OR51B5: variants seen among roughly 807,000 people sequenced by gnomAD.
OR51B5 encodes the protein olfactory receptor family 51 subfamily B member 5, also known as olfactory receptor 51B5.
For synonymous variants in OR51B5, 186 were observed against 144.8 expected, an observed-to-expected ratio of 1.28 and a Z score of -2.04; for missense variants, 456 against 374.6, an observed-to-expected ratio of 1.22 and a Z score of -1.79.
At chr11:5,474,772 G>A (rs1851280565) in intron 1 of OR51B5, among the ~76,000 whole-genome samples, 2 of 152,164 alleles carry the variant, frequency 1.3e-5, no homozygotes, top group Non-Finnish European at 2.9e-5. Flanking sequence ...CACGCTGAAG[G>A]AGGTGCTCAG....
At chr11:5,360,939 A>G (rs1849274344) in intron 1 of OR51B5, among the ~76,000 whole-genome samples, 1 of 150,988 alleles carries the variant, frequency 6.6e-6, no homozygotes, top group East Asian at 1.9e-4. Flanking sequence ...GAATTGAACA[A>G]TGAGAACACA....
At chr11:5,455,416 TTC>T (rs1850936956) in intron 1 of OR51B5, 1 of 151,226 alleles carries the variant, frequency 6.6e-6, no homozygotes, top group African/African-American at 2.4e-5. Context: ...CAGAAAATAA[TTC>T]TTTCAGACCT....
intron 1 of OR51B5, among the ~76,000 whole-genome samples, chr11:5,366,482 G>T (rs894135744): frequency 1.4e-4 from 21 of 152,062 alleles, no homozygotes; most frequent in Non-Finnish European, 2.8e-4. Flanking sequence ...GGTGGCAGAT[G>T]CCTGTAATTG....
chr11:5,378,574 C>G (rs1223418145), intron 1 of OR51B5, among the ~76,000 whole-genome samples: 1 of 152,064 alleles, frequency 6.6e-6, no homozygotes, highest in Non-Finnish European at 1.5e-5. Flanking sequence ...TGACAAAGGG[C>G]TAATATCCAG....
chr11:5,426,303 A>G (rs560590268), intron 1 of OR51B5, among the ~76,000 whole-genome samples: 23 of 152,310 alleles, frequency 1.5e-4, no homozygotes, highest in African/African-American at 5.5e-4. Flanking sequence ...ACATAACACT[A>G]TGCACTTACC....
intron 1 of OR51B5, among the ~76,000 whole-genome samples, chr11:5,435,419 C>T (rs1850579075): frequency 6.6e-6 from 1 of 152,068 alleles, no homozygotes; most frequent in African/African-American, 2.4e-5. Context: ...AATTTGTAAA[C>T]ATGTATGTAC....
chr11:5,419,536 C>G (rs1242045204), intron 1 of OR51B5, among the ~76,000 whole-genome samples: 1 of 152,106 alleles, frequency 6.6e-6, no homozygotes, highest in African/African-American at 2.4e-5. Context: ...ATTTACACAG[C>G]ATTTATATTG....
intron 1 of OR51B5, chr11:5,392,490 A>T (rs560101378): frequency 5.3e-5 from 8 of 152,378 alleles, no homozygotes; most frequent in African/African-American, 1.7e-4. Context: ...TGACATCTAA[A>T]TTTCATTTTC....
At position 5,440,981 on chromosome 11, in the gene OR51B5, G is replaced by C. The variant is rs540079633; in HGVS notation, n.84+64588C>G. 4.0e-5 allele frequency: 65 copies of C among 1,613,896 alleles called. No individual in the cohort carries two copies. Among genetic ancestry groups the C allele is most frequent in the Non-Finnish European group, 5.3e-5 (62 of 1,179,962 alleles). On this transcript the variant is annotated intron_variant and non_coding_transcript_variant, in intron 1 of 4. Coordinates refer to the OR51B5 transcript ENST00000415970. ...TGAGATCTGGATGGAGACAGTAGGA[G>C]TGATGCAAAACATTGCCTTTGCAGA...
At chr11:5,405,229 GATTA>G (rs1358139233) in intron 1 of OR51B5, among the ~76,000 whole-genome samples, 2 of 152,096 alleles carry the variant, frequency 1.3e-5, no homozygotes, top group East Asian at 3.9e-4. Context: ...TAAGAAATAG[GATTA>G]ATGTAATTAT....
chr11:5,410,324 A>G (rs995189231), intron 1 of OR51B5, among the ~76,000 whole-genome samples: 6 of 152,166 alleles, frequency 3.9e-5, no homozygotes, highest in African/African-American at 1.2e-4. Context: ...AAGAGATATC[A>G]TTTGAGTTTT....
At chr11:5,370,689 T>C (rs1352427247) in intron 1 of OR51B5, among the ~76,000 whole-genome samples, 1 of 152,168 alleles carries the variant, frequency 6.6e-6, no homozygotes, top group Non-Finnish European at 1.5e-5. Flanking sequence ...AAAAATACAT[T>C]GGTGCATATA....
intron 1 of OR51B5, chr11:5,392,251 C>G (rs1849806161): frequency 1.3e-5 from 2 of 152,218 alleles, no homozygotes; most frequent in African/African-American, 4.8e-5. Context: ...TGCAGCCTTA[C>G]AGGCTGGCAC....
chr11:5,360,026 A>T, intron 1 of OR51B5, among the ~76,000 whole-genome samples: 1 of 152,204 alleles, frequency 6.6e-6, no homozygotes, highest in East Asian at 1.9e-4. Context: ...TGTTAGACTG[A>T]AAACCATAAA....
chr11:5,451,009 T>C (rs906234353), intron 1 of OR51B5, among the ~76,000 whole-genome samples: 11 of 152,352 alleles, frequency 7.2e-5, no homozygotes, highest in Admixed American at 6.5e-5. Context: ...CTCCATAAAC[T>C]GTGAGGAAAG....
chr11:5,408,641 C>G (rs1288923681), intron 1 of OR51B5, among the ~76,000 whole-genome samples: 3 of 151,992 alleles, frequency 2.0e-5, no homozygotes, highest in Non-Finnish European at 4.4e-5. Context: ...CAATAACATA[C>G]AAGACCAGCC....
chr11:5,342,335 TTGTTATCACAA>T (rs1848908659), downstream of OR51B5, among the ~76,000 whole-genome samples: 1 of 152,236 alleles, frequency 6.6e-6, no homozygotes, highest in Non-Finnish European at 1.5e-5. Context: ...GCCTAAGGTA[TTGTTATCACAA>T]TAATTTAGTG....
chr11:5,470,478 G>A (rs1337740009), intron 1 of OR51B5, among the ~76,000 whole-genome samples: 1 of 152,130 alleles, frequency 6.6e-6, no homozygotes, highest in Non-Finnish European at 1.5e-5. Context: ...CCATGTCTCT[G>A]CTCTGTGCCT....
chr11:5,430,735 TTAAG>T (rs1195615336), intron 1 of OR51B5: 5 of 456,826 alleles, frequency 1.1e-5, no homozygotes, highest in African/African-American at 2.0e-5. Flanking sequence ...GATGATGGGA[TTAAG>T]TACAGGTGGC....
Sources: gnomAD v4.1 joint callset for allele counts (sites outside exome capture counted in the v4.1 genomes callset) on GRCh38, gnomAD v4.1.1 for gene constraint, MANE v1.5 for transcripts, NCBI Gene and HGNC (gene_info 2026-07-23, HGNC 2026-07-21) for gene names.